PCDH15: variants seen among roughly 807,000 people sequenced by gnomAD.
PCDH15 encodes the protein protocadherin related 15.
In PCDH15, 129 loss-of-function variants were observed where a neutral mutation model predicts 178.5. The ratio of observed to expected loss-of-function variants is 0.72; its 90% confidence interval spans 0.63 to 0.84. The LOEUF (loss-of-function observed/expected upper bound fraction) is 0.84, where lower values mean the gene tolerates loss of function less well. Ranked by LOEUF, PCDH15 falls within the 40% of genes least tolerant of loss-of-function variation. PCDH15 has a pLI of 0.00. For synonymous variants in PCDH15, 800 were observed against 732.0 expected (o/e 1.09, Z -1.50); for missense variants, 2,230 against 2,099.9 (o/e 1.06, Z -1.21).
At chr10:54,974,218 A>T (rs1839009645) in intron 2 of PCDH15, among the ~76,000 whole-genome samples, 1 of 152,128 alleles carries the variant, frequency 6.6e-6, no homozygotes, top group Non-Finnish European at 1.5e-5. Context: ...GACAAAACTC[A>T]GTGAACACAA....
chr10:54,016,382 C>T (rs1292216579), intron 20 of PCDH15, among the ~76,000 whole-genome samples: 1 of 151,998 alleles, frequency 6.6e-6, no homozygotes, highest in African/African-American at 2.4e-5. Flanking sequence ...TAGGTATATA[C>T]ACAAAGATAA....
intron 2 of PCDH15, among the ~76,000 whole-genome samples, chr10:55,079,269 T>C (rs569199811): frequency 2.0e-5 from 3 of 152,306 alleles, no homozygotes; most frequent in Non-Finnish European, 4.4e-5. Context: ...GGGGATGTTT[T>C]TGTGAAGATG....
intron 3 of PCDH15, among the ~76,000 whole-genome samples, chr10:54,432,297 C>T (rs1249076008): frequency 6.6e-6 from 1 of 151,738 alleles, no homozygotes; most frequent in African/African-American, 2.4e-5. Context: ...CAAAAAAAAC[C>T]TGGAGAAATC....
At chr10:55,141,690 A>T (rs1224450185) in intron 2 of PCDH15, among the ~76,000 whole-genome samples, 1 of 152,110 alleles carries the variant, frequency 6.6e-6, no homozygotes, top group Non-Finnish European at 1.5e-5. Flanking sequence ...AGTACACCTT[A>T]ACTGTTAATT....
chr10:55,160,704 G>A (rs1268990669), intron 2 of PCDH15, among the ~76,000 whole-genome samples: 2 of 151,868 alleles, frequency 1.3e-5, no homozygotes, highest in Non-Finnish European at 1.5e-5. Context: ...TCAGACTAAC[G>A]CTATATGCTC....
intron 3 of PCDH15, among the ~76,000 whole-genome samples, chr10:54,386,007 CT>C: frequency 6.6e-6 from 1 of 151,438 alleles, no homozygotes; most frequent in Non-Finnish European, 1.5e-5. Flanking sequence ...CTCTTAATGT[CT>C]TTTTTAGCTT....
chr10:54,120,708 CATAATG>C (rs2095202724), intron 15 of PCDH15, among the ~76,000 whole-genome samples: 1 of 152,114 alleles, frequency 6.6e-6, no homozygotes, highest in African/African-American at 2.4e-5. Flanking sequence ...AAAGGAACTA[CATAATG>C]ATAAAGGGTT....
intron 1 of PCDH15, among the ~76,000 whole-genome samples, chr10:55,215,570 T>A (rs780268016): frequency 6.6e-6 from 1 of 152,082 alleles, no homozygotes; most frequent in Admixed American, 6.6e-5. Flanking sequence ...AATTTAAGAC[T>A]GTATTAGGTA....
At chr10:55,422,226 ATT>A (rs1838638800) in intron 2 of PCDH15, among the ~76,000 whole-genome samples, 1 of 151,832 alleles carries the variant, frequency 6.6e-6, no homozygotes, top group Non-Finnish European at 1.5e-5. Context: ...GTAGATATTC[ATT>A]TGATAAGAAA....
intron 1 of PCDH15, among the ~76,000 whole-genome samples, chr10:55,291,591 T>C (rs1040117921): frequency 1.3e-5 from 2 of 152,188 alleles, no homozygotes; most frequent in East Asian, 3.9e-4. Flanking sequence ...ATGTCTTTAC[T>C]AAGTTAAAGA....
intron 25 of PCDH15, among the ~76,000 whole-genome samples, chr10:53,933,921 C>A (rs1022791628): frequency 2.6e-5 from 4 of 152,118 alleles, no homozygotes; most frequent in Non-Finnish European, 4.4e-5. Context: ...TCTCTGATGG[C>A]CAGTGATGAT....
chr10:54,395,135 A>G (rs2135390343), intron 3 of PCDH15, among the ~76,000 whole-genome samples: 1 of 152,248 alleles, frequency 6.6e-6, no homozygotes, highest in Non-Finnish European at 1.5e-5. Flanking sequence ...GATTAAAGTA[A>G]AGACAGGCAT....
At chr10:54,732,364 C>T (rs1307346765) in intron 1 of PCDH15, among the ~76,000 whole-genome samples, 1 of 151,296 alleles carries the variant, frequency 6.6e-6, no homozygotes, top group Non-Finnish European at 1.5e-5. Flanking sequence ...GACGGGACAT[C>T]ACTATAGAAC....
chr10:55,250,219 C>A (rs1205575974), intron 1 of PCDH15, among the ~76,000 whole-genome samples: 1 of 152,102 alleles, frequency 6.6e-6, no homozygotes, highest in African/African-American at 2.4e-5. Context: ...TCACAGCTCA[C>A]TGAAACCTCA....
At chr10:54,038,488 C>G (rs2093468752) in intron 18 of PCDH15, among the ~76,000 whole-genome samples, 1 of 151,848 alleles carries the variant, frequency 6.6e-6, no homozygotes, top group Admixed American at 6.6e-5. Context: ...CCTTGGCCAA[C>G]CCAAGGAAGG....
At chr10:55,575,450 T>C (rs142332466) in intron 2 of PCDH15, among the ~76,000 whole-genome samples, 6 of 152,264 alleles carry the variant, frequency 3.9e-5, no homozygotes, top group Middle Eastern at 6.8e-3. Flanking sequence ...GTGGGGACAA[T>C]AGACTTGGTA....
intron 3 of PCDH15, among the ~76,000 whole-genome samples, chr10:54,399,931 C>G (rs550124711): frequency 6.6e-6 from 1 of 152,202 alleles, no homozygotes; most frequent in African/African-American, 2.4e-5. Flanking sequence ...CAGCAATGCA[C>G]CCTTTCTTTT....
At chr10:54,528,362 TG>T (rs1198548196) in intron 2 of PCDH15, 1 of 1,558,634 alleles carries the variant, frequency 6.4e-7, no homozygotes, top group South Asian at 1.2e-5. Context: ...TGAGGTTGTT[TG>T]GGGTTTTTAT....
At chr10:54,265,538 T>C (rs1427811588) in intron 8 of PCDH15, among the ~76,000 whole-genome samples, 2 of 149,356 alleles carry the variant, frequency 1.3e-5, no homozygotes, top group African/African-American at 4.9e-5. Flanking sequence ...ACCCATCTCA[T>C]AAGTAATGAC....
Sources: gnomAD v4.1 joint callset for allele counts (sites outside exome capture counted in the v4.1 genomes callset) on GRCh38, gnomAD v4.1.1 for gene constraint, MANE v1.5 for transcripts, NCBI Gene and HGNC (gene_info 2026-07-23, HGNC 2026-07-21) for gene names.